Variants in CBR4 observed in about 807,000 individuals in gnomAD.
CBR4 encodes the protein 3-oxoacyl-[acyl-carrier-protein] reductase.
A neutral mutation model predicts 21.0 loss-of-function variants in CBR4; 22 were observed. That is an observed-to-expected ratio of 1.05 (90% CI 0.75 to 1.50). CBR4 has a LOEUF of 1.50. Among genes scored for constraint, CBR4 ranks in the 40% most tolerant of loss-of-function variants. CBR4 has a pLI of 0.00. For missense variants in CBR4, 302 were observed against 286.3 expected (o/e 1.05, Z -0.40); for synonymous variants, 100 against 104.4 (o/e 0.96, Z 0.26).
At chr4:169,003,291 G>C (rs1409218974) in intron 3 of CBR4, among the ~76,000 whole-genome samples, 2 of 152,206 alleles carry the variant, frequency 1.3e-5, no homozygotes, top group African/African-American at 4.8e-5. Context: ...AAGTTTGAAA[G>C]AAGTTATTTT....
chr4:168,896,153 T>A, intron 2 of CBR4, among the ~76,000 whole-genome samples: 1 of 148,440 alleles, frequency 6.7e-6, no homozygotes, highest in Non-Finnish European at 1.5e-5. Context: ...GAGGTTACAG[T>A]GAGCCAAGAT....
Position 168,934,079 on chromosome 4 carries a change from G to A in CBR4, n.170-39314C>T, listed in dbSNP as rs578234123. On this transcript the variant is annotated intron_variant and non_coding_transcript_variant, in intron 2 of 3. Coordinates refer to the CBR4 transcript ENST00000509108. ...AAAAGTAAAAAGAGTTCTAATAACCGAATGATTCATCTTAAGAATCTAGGA... is the reference window on the plus strand; with the variant it reads ...AAAAGTAAAAAGAGTTCTAATAACCAAATGATTCATCTTAAGAATCTAGGA... Among the ~76,000 whole-genome samples, 141 of 151,716 alleles carry A rather than the reference G, an allele frequency of 9.3e-4. No individual in the cohort carries two copies. The Middle Eastern group carries it at 0.014, about 15-fold the overall frequency.
intron 4 of CBR4, among the ~76,000 whole-genome samples, chr4:168,999,542 G>A (rs2126841852): frequency 6.6e-6 from 1 of 150,458 alleles, no homozygotes; most frequent in Non-Finnish European, 1.5e-5. Context: ...AGTATAAATT[G>A]CACTGGAAAT....
chr4:168,981,875 T>C (rs762473301), intron 2 of CBR4, among the ~76,000 whole-genome samples: 12 of 152,304 alleles, frequency 7.9e-5, no homozygotes, highest in East Asian at 5.8e-4. Flanking sequence ...AGGGCATTTG[T>C]TACCACCAGG....
At chr4:169,002,293 CA>C (rs1730521930) in intron 3 of CBR4, 88 bp from the exon 4 acceptor site, 1 of 1,239,450 alleles carries the variant, frequency 8.1e-7, no homozygotes, top group Admixed American at 4.2e-5. Flanking sequence ...TTATAGTAAA[CA>C]AAAAGGTAAA....
At chr4:168,953,460 C>T (rs558889561) in intron 2 of CBR4, among the ~76,000 whole-genome samples, 37 of 151,958 alleles carry the variant, frequency 2.4e-4, no homozygotes, top group African/African-American at 8.7e-4. Context: ...GGGTCTCATT[C>T]CGTTGCCTTT....
chr4:169,009,907 A>G, intron 1 of CBR4, 41 bp downstream of exon 1: 2 of 1,578,334 alleles, frequency 1.3e-6, no homozygotes, highest in South Asian at 1.1e-5. Flanking sequence ...AGGCGCCTGG[A>G]CCGCGGCCAT....
At chr4:168,907,667 G>A (rs1373082652) in intron 2 of CBR4, among the ~76,000 whole-genome samples, 1 of 152,134 alleles carries the variant, frequency 6.6e-6, no homozygotes, top group Admixed American at 6.5e-5. Context: ...TCTCTGCTTT[G>A]CAAATCCCAG....
intron 2 of CBR4, among the ~76,000 whole-genome samples, chr4:168,922,098 TATATACACACACACACAC>T (rs1459679274): frequency 1.5e-4 from 16 of 107,632 alleles, no homozygotes; most frequent in African/African-American, 3.4e-4. Flanking sequence ...TATATATATA[TATATACACACACACACAC>T]ACACACACAC....
At chr4:168,933,179 A>G (rs956855029) in intron 2 of CBR4, among the ~76,000 whole-genome samples, 1 of 152,182 alleles carries the variant, frequency 6.6e-6, no homozygotes, top group African/African-American at 2.4e-5. Context: ...AATAACCTTG[A>G]ATGTAAATAA....
chr4:168,975,208 C>CTTA (rs1764331850), intron 2 of CBR4, among the ~76,000 whole-genome samples: 1 of 152,280 alleles, frequency 6.6e-6, no homozygotes, highest in South Asian at 2.1e-4. Context: ...GGCTACCAGA[C>CTTA]TCCAGGCTGG....
chr4:168,902,377 T>C (rs956504114), intron 2 of CBR4, among the ~76,000 whole-genome samples: 1 of 152,168 alleles, frequency 6.6e-6, no homozygotes, highest in Non-Finnish European at 1.5e-5. Flanking sequence ...GGTGGGGTGA[T>C]GTAGCTATTA....
chr4:168,986,920 C>T (rs1211054901), downstream of CBR4, among the ~76,000 whole-genome samples: 1 of 152,042 alleles, frequency 6.6e-6, no homozygotes, highest in East Asian at 1.9e-4. Flanking sequence ...CCAGCCGAGG[C>T]AACACAGCAA....
intron 2 of CBR4, among the ~76,000 whole-genome samples, chr4:168,918,546 T>G (rs1464334265): frequency 6.6e-6 from 1 of 152,130 alleles, no homozygotes; most frequent in African/African-American, 2.4e-5. Flanking sequence ...GAGGGAAAGT[T>G]GGGGAAATGT....
intron 1 of CBR4, among the ~76,000 whole-genome samples, chr4:169,008,487 T>A (rs1200452866): frequency 1.3e-5 from 2 of 152,228 alleles, no homozygotes; most frequent in African/African-American, 4.8e-5. Flanking sequence ...AACAATTCTT[T>A]ATTTTCTGTC....
intron 4 of CBR4, 143 bp downstream of exon 4, chr4:169,001,928 A>G: frequency 1.2e-6 from 1 of 816,554 alleles, no homozygotes; most frequent in Non-Finnish European, 1.8e-6. Flanking sequence ...AATTTTTTTG[A>G]GTCCCCCAGT....
In CBR4 at chr4:168,935,109, G is replaced by A. The variant is rs1046294883; in HGVS notation, n.170-40344C>T. 3.3e-5 allele frequency among the ~76,000 whole-genome samples: 5 copies of A among 152,312 alleles called. No homozygotes were observed. The East Asian group carries it at 9.7e-4, about 29-fold the overall frequency. ...CTCATTGGGACTGGTTAGATAGTGG[G>A]TGCAGCCCATGGAGGGCGAGCAGAA... On this transcript the variant is annotated intron_variant and non_coding_transcript_variant, in intron 2 of 3. Coordinates refer to the CBR4 transcript ENST00000509108.
At chr4:169,000,884 G>A (rs1369182581) in intron 4 of CBR4, among the ~76,000 whole-genome samples, 2 of 152,082 alleles carry the variant, frequency 1.3e-5, no homozygotes, top group Non-Finnish European at 2.9e-5. Context: ...GAAAATGGGA[G>A]GTTCCAGATA....
intron 2 of CBR4, among the ~76,000 whole-genome samples, chr4:168,952,522 T>C (rs1763570387): frequency 6.6e-6 from 1 of 152,206 alleles, no homozygotes; most frequent in Non-Finnish European, 1.5e-5. Context: ...GTTGGTTTTC[T>C]AGTTGCTTCC....
Sources: allele counts gnomAD v4.1 joint callset (sites outside exome capture counted in the v4.1 genomes callset), GRCh38; gene constraint gnomAD v4.1.1; transcripts MANE v1.5; gene names NCBI Gene and HGNC (gene_info 2026-07-23, HGNC 2026-07-21).